ABCB1: variants seen among roughly 807,000 people sequenced by gnomAD.
ABCB1 encodes ATP binding cassette subfamily B member 1.
In ABCB1, 69 loss-of-function variants were observed where a neutral mutation model predicts 142.0. That is an observed-to-expected ratio of 0.49 (90% CI 0.40 to 0.59). ABCB1 has a LOEUF of 0.59. Among genes scored for constraint, ABCB1 ranks in the 20% least tolerant of loss-of-function variants. ABCB1 has a pLI of 0.00. For synonymous variants in ABCB1, 532 were observed against 539.2 expected, an observed-to-expected ratio of 0.99 and a Z score of 0.18; for missense variants, 1,326 against 1,554.7, an observed-to-expected ratio of 0.85 and a Z score of 2.47.
intron 1 of ABCB1, among the ~76,000 whole-genome samples, chr7:87,665,704 C>T (rs1825160472): frequency 6.6e-6 from 1 of 152,084 alleles, no homozygotes; most frequent in Admixed American, 6.6e-5. Context: ...CCTTCACTCT[C>T]AAGTAGACCT....
chr7:87,583,242 C>T (rs1258706512), intron 4 of ABCB1, among the ~76,000 whole-genome samples: 1 of 152,100 alleles, frequency 6.6e-6, no homozygotes, highest in Admixed American at 6.6e-5. Flanking sequence ...ATATCACAAC[C>T]ATCCTGAGAA....
chr7:87,519,218 C>G, intron 23 of ABCB1, 108 bp downstream of exon 23: 1 of 1,126,522 alleles, frequency 8.9e-7, no homozygotes, highest in Non-Finnish European at 1.3e-6. Context: ...TTAGGAATCA[C>G]CAGAATCTCT....
intron 3 of ABCB1, among the ~76,000 whole-genome samples, chr7:87,593,613 A>G (rs1352143253): frequency 2.0e-5 from 3 of 152,220 alleles, no homozygotes; most frequent in African/African-American, 4.8e-5. Context: ...CTGTACAAAC[A>G]ATATGATTCT....
chr7:87,532,368 C>A (rs1328469124), intron 20 of ABCB1, among the ~76,000 whole-genome samples: 1 of 152,026 alleles, frequency 6.6e-6, no homozygotes, highest in East Asian at 1.9e-4. Flanking sequence ...TCACAGGATG[C>A]GACAGGAGGT....
chr7:87,508,377 A>G (rs945611091), intron 26 of ABCB1, among the ~76,000 whole-genome samples: 1 of 152,250 alleles, frequency 6.6e-6, no homozygotes, highest in Non-Finnish European at 1.5e-5. Flanking sequence ...TAAGGTATAC[A>G]TGAAATATAA....
At chr7:87,530,556 G>GA (rs960699909) in intron 21 of ABCB1, among the ~76,000 whole-genome samples, 17 of 148,532 alleles carry the variant, frequency 1.1e-4, no homozygotes, top group Middle Eastern at 6.5e-3. Context: ...TAAATAATGG[G>GA]AAAAAAAAGA....
intron 1 of ABCB1, among the ~76,000 whole-genome samples, chr7:87,677,961 G>A (rs187441971): frequency 1.3e-5 from 2 of 152,288 alleles, no homozygotes; most frequent in Admixed American, 6.5e-5. Context: ...GTACTTCAGA[G>A]ATGAGGACAA....
intron 7 of ABCB1, among the ~76,000 whole-genome samples, chr7:87,564,347 T>C: frequency 6.6e-6 from 1 of 152,154 alleles, no homozygotes; most frequent in Non-Finnish European, 1.5e-5. Flanking sequence ...CTTCTGGGGC[T>C]CCCACTGGCC....
intron 1 of ABCB1, among the ~76,000 whole-genome samples, chr7:87,705,121 TTTGTC>T (rs1368497153): frequency 6.6e-6 from 1 of 152,010 alleles, no homozygotes; most frequent in Non-Finnish European, 1.5e-5. Context: ...ATCTCATACT[TTTGTC>T]TAGGTTAAGA....
chr7:87,569,271 C>T (rs1425884088), intron 5 of ABCB1, among the ~76,000 whole-genome samples: 2 of 145,948 alleles, frequency 1.4e-5, no homozygotes, highest in Non-Finnish European at 3.0e-5. Context: ...AATCGAAGGT[C>T]GCAGTGAGCC....
At chr7:87,580,971 C>A (rs996698900) in intron 4 of ABCB1, among the ~76,000 whole-genome samples, 1 of 151,676 alleles carries the variant, frequency 6.6e-6, no homozygotes, top group Non-Finnish European at 1.5e-5. Context: ...TGTGGTCGCT[C>A]ACCTGGTTTT....
intron 8 of ABCB1, among the ~76,000 whole-genome samples, chr7:87,559,177 G>C (rs1426070249): frequency 6.6e-6 from 1 of 151,920 alleles, no homozygotes; most frequent in Non-Finnish European, 1.5e-5. Context: ...GGTAGAACTT[G>C]CCTACAAAAT....
chr7:87,526,442 AG>A (rs1271990902), intron 21 of ABCB1, among the ~76,000 whole-genome samples: 1 of 151,950 alleles, frequency 6.6e-6, no homozygotes, highest in Non-Finnish European at 1.5e-5. Flanking sequence ...GCACTTTGGG[AG>A]ACTAAGGCAG....
intron 20 of ABCB1, among the ~76,000 whole-genome samples, chr7:87,532,987 C>T (rs1472421810): frequency 6.6e-6 from 1 of 152,078 alleles, no homozygotes; most frequent in Non-Finnish European, 1.5e-5. Flanking sequence ...TATCAGTAGC[C>T]TTTAAATACA....
chr7:87,638,574 T>C (rs764643528), intron 1 of ABCB1, among the ~76,000 whole-genome samples: 13 of 152,014 alleles, frequency 8.6e-5, no homozygotes, highest in Non-Finnish European at 1.3e-4. Context: ...TTTCAGTAGG[T>C]TTTTCAAGGA....
At chr7:87,561,494 G>A in intron 7 of ABCB1, 107 bp from the exon 8 acceptor site, 1 of 1,136,874 alleles carries the variant, frequency 8.8e-7, no homozygotes, top group African/African-American at 1.6e-5. Flanking sequence ...TAATGCATGT[G>A]TAGAGCAAAA....
In ABCB1 at chr7:87,614,563, A is replaced by C. The variant is rs534115595; in HGVS notation, c.-330-13485T>G. 2.6e-5 allele frequency among the ~76,000 whole-genome samples: 4 copies of C among 152,366 alleles called. No homozygotes were observed. In the East Asian group the frequency reaches 7.7e-4, roughly 29 times the overall value. ...ATGGCATTTCAGTTCATGACCTTGC[A>C]TCACAAAGCATCAGATTAAATAAAG... On this transcript the variant is annotated intron_variant, in intron 1 of 28. Transcript: ENST00000265724.
chr7:87,602,292 CTTTTTTTTTTT>C (rs59849542), upstream of ABCB1, among the ~76,000 whole-genome samples: 8 of 92,408 alleles, frequency 8.7e-5, no homozygotes, highest in African/African-American at 2.4e-4. Context: ...AGCTCGGCCT[CTTTTTTTTTTT>C]TTTTTTTTTT....
chr7:87,617,623 CTG>C (rs1377130207), intron 1 of ABCB1, among the ~76,000 whole-genome samples: 1 of 152,198 alleles, frequency 6.6e-6, no homozygotes, highest in Non-Finnish European at 1.5e-5. Context: ...ATCACAAAGA[CTG>C]TAGTCCTAAG....
Sources: allele counts gnomAD v4.1 joint callset (sites outside exome capture counted in the v4.1 genomes callset), GRCh38; gene constraint gnomAD v4.1.1; transcripts MANE v1.5; gene names NCBI Gene and HGNC (gene_info 2026-07-23, HGNC 2026-07-21).